PTPRD: variants seen among roughly 807,000 people sequenced by gnomAD.
The protein encoded by PTPRD is protein tyrosine phosphatase receptor type D.
In PTPRD, 34 loss-of-function variants were observed where a neutral mutation model predicts 214.5. That is an observed-to-expected ratio of 0.16 (90% CI 0.12 to 0.21). PTPRD has a LOEUF of 0.21. Among genes scored for constraint, PTPRD ranks in the 10% least tolerant of loss-of-function variants. The probability of loss-of-function intolerance (pLI) is 1.00; values close to 1 mark genes in which losing one functional copy is unlikely to be tolerated. For synonymous variants in PTPRD, 1,128 were observed against 845.7 expected (o/e 1.33, Z -5.79); for missense variants, 2,545 against 2,398.7 (o/e 1.06, Z -1.27).
At chr9:9,352,412 A>G (rs2051750090) in intron 9 of PTPRD, among the ~76,000 whole-genome samples, 1 of 149,650 alleles carries the variant, frequency 6.7e-6, no homozygotes. Context: ...TATATCTGTT[A>G]TGTTTTCCCA....
chr9:8,668,493 C>T (rs186669914), intron 12 of PTPRD, among the ~76,000 whole-genome samples: 1 of 152,230 alleles, frequency 6.6e-6, no homozygotes, highest in East Asian at 1.9e-4. Flanking sequence ...GCAAAGCGTT[C>T]CAGAAAGTAC....
At chr9:9,160,610 A>T (rs955848090) in intron 10 of PTPRD, among the ~76,000 whole-genome samples, 1 of 152,302 alleles carries the variant, frequency 6.6e-6, no homozygotes, top group African/African-American at 2.4e-5. Context: ...CCATTATAGA[A>T]AATGGCATGG....
chr9:8,805,968 C>G (rs1415452566), intron 11 of PTPRD, among the ~76,000 whole-genome samples: 1 of 141,016 alleles, frequency 7.1e-6, no homozygotes, highest in African/African-American at 2.7e-5. Context: ...GCACTCCAGC[C>G]TGGGCTACAG....
intron 2 of PTPRD, among the ~76,000 whole-genome samples, chr9:10,417,965 C>T (rs1303878367): frequency 2.0e-5 from 3 of 150,870 alleles, no homozygotes; most frequent in Admixed American, 6.6e-5. Flanking sequence ...TATCATTTTA[C>T]TTATTTATGG....
chr9:8,839,733 A>T (rs975728131), intron 11 of PTPRD, among the ~76,000 whole-genome samples: 3 of 152,232 alleles, frequency 2.0e-5, no homozygotes, highest in African/African-American at 7.2e-5. Context: ...AGCTACCTCT[A>T]TTAAACTGTT....
At chr9:10,578,856 AGTC>A in intron 2 of PTPRD, among the ~76,000 whole-genome samples, 1 of 152,166 alleles carries the variant, frequency 6.6e-6, no homozygotes, top group East Asian at 1.9e-4. Flanking sequence ...AGTACCCAAT[AGTC>A]GTGTTTTGTT....
chr9:9,054,334 C>T (rs1389241199), intron 10 of PTPRD, among the ~76,000 whole-genome samples: 1 of 152,108 alleles, frequency 6.6e-6, no homozygotes, highest in Non-Finnish European at 1.5e-5. Context: ...AGAGTTTAGC[C>T]AAAATTTGTT....
At chr9:8,428,053 T>C (rs919183088) in intron 35 of PTPRD, among the ~76,000 whole-genome samples, 3 of 152,186 alleles carry the variant, frequency 2.0e-5, no homozygotes, top group African/African-American at 4.8e-5. Context: ...ATGAACAAAC[T>C]AAAATACAGA....
intron 13 of PTPRD, among the ~76,000 whole-genome samples, chr9:8,634,782 G>A (rs566473635): frequency 2.6e-5 from 4 of 151,726 alleles, no homozygotes; most frequent in Non-Finnish European, 4.4e-5. Context: ...TTTAAATGTT[G>A]ACTAATTTAT....
intron 5 of PTPRD, among the ~76,000 whole-genome samples, chr9:9,838,358 T>G (rs1373080677): frequency 1.1e-4 from 17 of 152,018 alleles, no homozygotes; most frequent in East Asian, 1.9e-4. Context: ...ACTTCCACAA[T>G]GGTTGAACTA....
intron 12 of PTPRD, among the ~76,000 whole-genome samples, chr9:8,674,348 C>T (rs1181020990): frequency 6.6e-6 from 1 of 150,748 alleles, no homozygotes; most frequent in African/African-American, 2.4e-5. Context: ...GTCCCAGGCA[C>T]TCAGGAGACT....
intron 9 of PTPRD, among the ~76,000 whole-genome samples, chr9:9,214,793 AT>A (rs2099951078): frequency 6.6e-6 from 1 of 152,196 alleles, no homozygotes; most frequent in Admixed American, 6.6e-5. Context: ...GGTTGGCACT[AT>A]ATAAATATAT....
intron 2 of PTPRD, among the ~76,000 whole-genome samples, chr9:10,394,071 T>G (rs111529073): frequency 0.35 from 49,199 of 142,592 alleles, 11,133 homozygotes; most frequent in African/African-American, 0.61. Flanking sequence ...TATATATATA[T>G]ATATAGAGAG....
chr9:9,828,146 A>G (rs1401383886), intron 5 of PTPRD, among the ~76,000 whole-genome samples: 2 of 152,246 alleles, frequency 1.3e-5, no homozygotes, highest in East Asian at 3.9e-4. Context: ...CAGCCATCCC[A>G]TTACTGAGTA....
intron 2 of PTPRD, among the ~76,000 whole-genome samples, chr9:10,423,488 T>C (rs576010864): frequency 6.6e-6 from 1 of 151,986 alleles, no homozygotes; most frequent in East Asian, 2.0e-4. Flanking sequence ...ACTCAGTCCT[T>C]GTTCTAAAGG....
chr9:8,602,741 G>C (rs1246670619), intron 14 of PTPRD, among the ~76,000 whole-genome samples: 1 of 152,092 alleles, frequency 6.6e-6, no homozygotes, highest in Non-Finnish European at 1.5e-5. Flanking sequence ...CAAACTAAGA[G>C]AAACATGCAG....
intron 10 of PTPRD, among the ~76,000 whole-genome samples, chr9:9,068,321 G>C (rs575963173): frequency 6.6e-6 from 1 of 152,262 alleles, no homozygotes; most frequent in Admixed American, 6.5e-5. Context: ...TTATGTACAG[G>C]TCTGTGTTAA....
intron 12 of PTPRD, among the ~76,000 whole-genome samples, chr9:8,665,379 C>A (rs534947125): frequency 6.6e-6 from 1 of 152,120 alleles, no homozygotes; most frequent in Admixed American, 6.5e-5. Flanking sequence ...ACTGTATTAT[C>A]TGGAGCTTGC....
intron 11 of PTPRD, among the ~76,000 whole-genome samples, chr9:8,950,568 A>C (rs2099096061): frequency 6.6e-6 from 1 of 152,156 alleles, no homozygotes; most frequent in Non-Finnish European, 1.5e-5. Flanking sequence ...TCTGTAATGA[A>C]AACATATTTT....
Sources: gnomAD v4.1 joint callset for allele counts (sites outside exome capture counted in the v4.1 genomes callset) on GRCh38, gnomAD v4.1.1 for gene constraint, MANE v1.5 for transcripts, NCBI Gene and HGNC (gene_info 2026-07-23, HGNC 2026-07-21) for gene names.